The following PDE3A variants were observed in gnomAD, a reference collection of about 807,000 sequenced individuals.
The protein encoded by PDE3A is phosphodiesterase 3A, also known as cGMP-inhibited 3',5'-cyclic phosphodiesterase 3A.
A neutral mutation model predicts 98.3 loss-of-function variants in PDE3A; 43 were observed. The observed-to-expected ratio is 0.44, with a 90% CI of 0.34 to 0.56. The LOEUF is 0.56. Among genes scored for constraint, PDE3A ranks in the 20% least tolerant of loss-of-function variants. PDE3A has a pLI of 0.01. For missense variants in PDE3A, 1,427 were observed against 1,440.7 expected (o/e 0.99, Z 0.15); for synonymous variants, 663 against 567.9 (o/e 1.17, Z -2.38).
At chr12:20,678,995 A>G (rs1945704879) in intron 15 of PDE3A, among the ~76,000 whole-genome samples, 1 of 152,204 alleles carries the variant, frequency 6.6e-6, no homozygotes, top group Admixed American at 6.5e-5. Context: ...ATAAAAACAG[A>G]AACAGTATAT....
chr12:20,558,718 T>TAATAAC (rs987852486), intron 2 of PDE3A, among the ~76,000 whole-genome samples: 2 of 150,006 alleles, frequency 1.3e-5, no homozygotes, highest in South Asian at 2.1e-4. Context: ...ATAATAATAA[T>TAATAAC]AACAATAATG....
intron 2 of PDE3A, among the ~76,000 whole-genome samples, chr12:20,600,102 A>G (rs143705463): frequency 7.1e-4 from 108 of 152,286 alleles, no homozygotes; most frequent in Admixed American, 1.6e-3. Flanking sequence ...AAAAGTTGAT[A>G]TTGATTATGG....
chr12:20,455,894 A>T (rs917349937), intron 1 of PDE3A, among the ~76,000 whole-genome samples: 7 of 152,122 alleles, frequency 4.6e-5, no homozygotes, highest in Admixed American at 3.3e-4. Flanking sequence ...TGTGTGATGG[A>T]TCTGAAGCTT....
At chr12:20,502,718 A>G (rs1046415717) in intron 1 of PDE3A, among the ~76,000 whole-genome samples, 1 of 152,188 alleles carries the variant, frequency 6.6e-6, no homozygotes, top group African/African-American at 2.4e-5. Flanking sequence ...AACTAAGACT[A>G]TGTATAAAGG....
At chr12:20,410,781 A>G (rs975101161) in intron 1 of PDE3A, among the ~76,000 whole-genome samples, 3 of 152,220 alleles carry the variant, frequency 2.0e-5, no homozygotes, top group Non-Finnish European at 4.4e-5. Flanking sequence ...ATAGCAATCT[A>G]TTTTGAAAAC....
At chr12:20,617,835 C>T (rs1256226355) in intron 4 of PDE3A, among the ~76,000 whole-genome samples, 1 of 152,044 alleles carries the variant, frequency 6.6e-6, no homozygotes, top group Admixed American at 6.6e-5. Flanking sequence ...CTTTTCTCTT[C>T]TCTTAGTCAA....
chr12:20,407,729 A>T (rs189758299), intron 1 of PDE3A, among the ~76,000 whole-genome samples: 410 of 152,208 alleles, frequency 2.7e-3, no homozygotes, highest in African/African-American at 9.6e-3. Flanking sequence ...AAACTTATAA[A>T]TTTTTTTAAA....
intron 1 of PDE3A, among the ~76,000 whole-genome samples, chr12:20,536,054 G>T (rs779736239): frequency 1.3e-5 from 2 of 152,034 alleles, no homozygotes; most frequent in Non-Finnish European, 2.9e-5. Context: ...TCTCCATTTG[G>T]TTCAGACTCT....
rs1313278916 is a variant in PDE3A at position 20,607,432 on chromosome 12, G to A, written c.1012-6011G>A. ...AGCCTGGGTGACAGAGTGAGACTCC[G>A]TCTCAAAAAAAAAAAAAAAGAAAAA... On this transcript the variant is annotated intron_variant, in intron 2 of 15. Transcript: ENST00000359062. Among the ~76,000 whole-genome samples the A allele has an allele frequency of 5.1e-5, 7 of 136,736 alleles. No individual in the cohort carries two copies. The South Asian group carries it at 6.9e-4, about 13-fold the overall frequency. 89.7% of individuals were successfully genotyped at this position (136,736 alleles called of 152,430 possible).
chr12:20,536,484 T>C lies in PDE3A; in HGVS notation c.961-20176T>C, dbSNP rs576382558. Among the ~76,000 whole-genome samples, 8 of 152,208 alleles carry C rather than the reference T, an allele frequency of 5.3e-5. No individual in the cohort carries two copies. The South Asian group carries it at 1.7e-3, about 32-fold the overall frequency. ...CTATCGCCACTAATCCAGAACATTT[T>C]CATCATGTCCCCTAAAACACCTATG... On this transcript the variant is annotated intron_variant, in intron 1 of 15. Coordinates refer to ENST00000359062, the MANE Select transcript of PDE3A (RefSeq NM_000921.5).
chr12:20,651,963 C>G (rs1028059625), intron 14 of PDE3A, among the ~76,000 whole-genome samples: 1 of 151,274 alleles, frequency 6.6e-6, no homozygotes, highest in Non-Finnish European at 1.5e-5. Flanking sequence ...GTTCCCCTTC[C>G]TCTGTCCATG....
intron 15 of PDE3A, among the ~76,000 whole-genome samples, chr12:20,676,276 T>C (rs1335984382): frequency 6.6e-6 from 1 of 152,178 alleles, no homozygotes; most frequent in African/African-American, 2.4e-5. Context: ...TGATGAATTC[T>C]CTGAGCTTTG....
At chr12:20,547,303 A>G (rs1942085389) in intron 1 of PDE3A, among the ~76,000 whole-genome samples, 1 of 152,104 alleles carries the variant, frequency 6.6e-6, no homozygotes, top group African/African-American at 2.4e-5. Context: ...CACCTGGTAT[A>G]CTATGTTTCT....
intron 1 of PDE3A, among the ~76,000 whole-genome samples, chr12:20,419,594 G>A (rs1019521912): frequency 1.3e-5 from 2 of 151,666 alleles, no homozygotes; most frequent in East Asian, 3.9e-4. Context: ...GCTTCATGTG[G>A]CTAATGTTTT....
chr12:20,428,755 T>G (rs965612549), intron 1 of PDE3A, among the ~76,000 whole-genome samples: 8 of 152,192 alleles, frequency 5.3e-5, no homozygotes, highest in Non-Finnish European at 1.0e-4. Flanking sequence ...ATAATAGTTA[T>G]GACAAGATGA....
chr12:20,542,023 G>A (rs540277983), intron 1 of PDE3A, among the ~76,000 whole-genome samples: 1 of 152,028 alleles, frequency 6.6e-6, no homozygotes, highest in African/African-American at 2.4e-5. Context: ...CAAGGGTCGC[G>A]TAATGGGGCT....
At chr12:20,401,429 C>T (rs1262659771) in intron 1 of PDE3A, among the ~76,000 whole-genome samples, 3 of 151,804 alleles carry the variant, frequency 2.0e-5, no homozygotes, top group African/African-American at 7.2e-5. Context: ...CTAATCTACC[C>T]TTCTTAACAT....
At chr12:20,418,066 G>A (rs1054953823) in intron 1 of PDE3A, among the ~76,000 whole-genome samples, 1 of 151,896 alleles carries the variant, frequency 6.6e-6, no homozygotes, top group Non-Finnish European at 1.5e-5. Flanking sequence ...GAGAATCTAG[G>A]ATGGCCAAAA....
At chr12:20,596,563 C>T (rs745811030) in intron 2 of PDE3A, among the ~76,000 whole-genome samples, 5 of 152,254 alleles carry the variant, frequency 3.3e-5, no homozygotes, top group Non-Finnish European at 4.4e-5. Context: ...AAAATGAAGA[C>T]GGATGCCTTC....
Sources: gnomAD v4.1 joint callset for allele counts (sites outside exome capture counted in the v4.1 genomes callset) on GRCh38, gnomAD v4.1.1 for gene constraint, MANE v1.5 for transcripts, NCBI Gene and HGNC (gene_info 2026-07-23, HGNC 2026-07-21) for gene names.